Variants in STIM2 observed in about 807,000 individuals in gnomAD.
STIM2 encodes stromal interaction molecule 2.
STIM2 carries 31 observed loss-of-function variants against 85.8 expected under a neutral mutation model. That is an observed-to-expected ratio of 0.36 (90% confidence interval 0.27 to 0.49). The LOEUF (loss-of-function observed/expected upper bound fraction) is 0.49, where lower values mean the gene tolerates loss of function less well. STIM2 is among the 20% of genes least tolerant of loss of function. STIM2 has a pLI of 0.98. For synonymous variants in STIM2, 356 were observed against 331.1 expected (o/e 1.08, Z -0.82); for missense variants, 841 against 927.6 (o/e 0.91, Z 1.21).
rs145675939 is a variant in STIM2, at chr4:26,883,843, A to G, written c.151+22474A>G. Among the ~76,000 whole-genome samples the G allele has an allele frequency of 4.9e-3, 754 of 152,324 alleles. 8 individuals carry two copies. The highest frequency in any genetic ancestry group is 0.018 in the African/African-American group (731 of 41,564). ...TAGCTGTGCTGAGTGAGCCATGTAAATCTGCAAGGTTATGTATTTTGGTAT... is the reference window on the plus strand; with the variant it reads ...TAGCTGTGCTGAGTGAGCCATGTAAGTCTGCAAGGTTATGTATTTTGGTAT... On this transcript the variant is annotated intron_variant, in intron 1 of 11. Transcript: ENST00000467087.
intron 8 of STIM2, among the ~76,000 whole-genome samples, 179 bp from the exon 9 acceptor site, chr4:27,008,249 C>T (rs550039524): frequency 3.3e-5 from 5 of 152,246 alleles, no homozygotes; most frequent in East Asian, 3.9e-4. Flanking sequence ...TAGGAAAGCA[C>T]GTTTTCTCCC....
intron 6 of STIM2, among the ~76,000 whole-genome samples, chr4:27,002,660 C>T (rs1728198381): frequency 6.6e-6 from 1 of 152,034 alleles, no homozygotes; most frequent in Non-Finnish European, 1.5e-5. Context: ...TTATTTTTAA[C>T]TTGATTTAAA....
chr4:26,962,428 T>C lies in STIM2; in HGVS notation c.397+4702T>C, dbSNP rs141393139. Among the ~76,000 whole-genome samples the C allele has an allele frequency of 2.0e-3, 303 of 152,342 alleles. 1 individual carries two copies. Among genetic ancestry groups the C allele is most frequent in the Non-Finnish European group, 3.7e-3 (254 of 68,020 alleles). On this transcript the variant is annotated intron_variant, in intron 3 of 11. Transcript: ENST00000467087. The stretch of plus-strand genomic sequence containing the variant: ...GACTAAGCTATATATTTACCAGCAT[T>C]GTGTGCAAACTCTGGACAGTGAAAT...
chr4:27,014,200 C>T (rs1480440608), intron 10 of STIM2, among the ~76,000 whole-genome samples: 2 of 151,710 alleles, frequency 1.3e-5, no homozygotes, highest in Non-Finnish European at 1.5e-5. Flanking sequence ...TTTATTTCTG[C>T]TCTTTTATTT....
chr4:26,930,477 T>A (rs1261493069), intron 2 of STIM2, among the ~76,000 whole-genome samples: 1 of 31,372 alleles, frequency 3.2e-5, no homozygotes, highest in Non-Finnish European at 5.9e-5. Flanking sequence ...TTTTAGAGGT[T>A]TTTTTTTATC....
intron 3 of STIM2, among the ~76,000 whole-genome samples, chr4:26,976,462 C>A (rs2109109544): frequency 6.8e-6 from 1 of 146,962 alleles, no homozygotes; most frequent in South Asian, 2.2e-4. Flanking sequence ...TGTAAAGATG[C>A]TTCATCACCA....
intron 3 of STIM2, among the ~76,000 whole-genome samples, chr4:26,984,874 C>T (rs1727527374): frequency 6.6e-6 from 1 of 152,168 alleles, no homozygotes; most frequent in Non-Finnish European, 1.5e-5. Flanking sequence ...CATTTGCCAG[C>T]ATTTACCTAG....
chr4:26,927,901 T>C (rs554592395), intron 2 of STIM2, among the ~76,000 whole-genome samples: 2 of 147,668 alleles, frequency 1.4e-5, no homozygotes, highest in East Asian at 3.9e-4. Flanking sequence ...AAATATATAT[T>C]AATATATTTC....
chr4:26,913,552 C>T (rs745718034), intron 1 of STIM2, among the ~76,000 whole-genome samples: 9 of 152,088 alleles, frequency 5.9e-5, no homozygotes, highest in Non-Finnish European at 8.8e-5. Context: ...TAGTTTTAAG[C>T]AGAAGAGTAA....
At chr4:26,866,560 T>C (rs1305953642) in intron 1 of STIM2, among the ~76,000 whole-genome samples, 2 of 152,124 alleles carry the variant, frequency 1.3e-5, no homozygotes, top group Non-Finnish European at 2.9e-5. Flanking sequence ...TATGCAAGAA[T>C]AGGGGATAAA....
At chr4:26,951,611 T>A (rs1226614556) in intron 2 of STIM2, among the ~76,000 whole-genome samples, 1 of 152,132 alleles carries the variant, frequency 6.6e-6, no homozygotes, top group Admixed American at 6.6e-5. Flanking sequence ...GTATGGTAAA[T>A]CCGGTCCCTG....
At chr4:26,999,013 A>C (rs1331149243) in intron 4 of STIM2, among the ~76,000 whole-genome samples, 1 of 152,140 alleles carries the variant, frequency 6.6e-6, no homozygotes, top group Non-Finnish European at 1.5e-5. Context: ...TGTAGCTACT[A>C]AATTATTAAC....
chr4:26,875,180 C>T (rs1016466225), intron 1 of STIM2, among the ~76,000 whole-genome samples: 4 of 152,196 alleles, frequency 2.6e-5, no homozygotes, highest in Non-Finnish European at 4.4e-5. Context: ...TTAGTGTAAT[C>T]GACCTAAAAT....
At chr4:27,006,941 G>C (rs541554498) in intron 7 of STIM2, among the ~76,000 whole-genome samples, 55 of 152,184 alleles carry the variant, frequency 3.6e-4, no homozygotes, top group African/African-American at 1.3e-3. Flanking sequence ...GATATACTTG[G>C]AAACAGTAAG....
chr4:26,965,365 C>T (rs1260922448), intron 3 of STIM2, among the ~76,000 whole-genome samples: 1 of 152,130 alleles, frequency 6.6e-6, no homozygotes, highest in Non-Finnish European at 1.5e-5. Flanking sequence ...TAGTGTCTCT[C>T]TTGATTAATT....
chr4:26,874,847 G>A lies in STIM2; in HGVS notation c.151+13478G>A, dbSNP rs1047500960. The stretch of plus-strand genomic sequence containing the variant: ...AGACAGCAGACACTTTTTAGGTACC[G>A]GAGAAGTAGGAGAAAACTAAACTAA... On this transcript the variant is annotated intron_variant, in intron 1 of 11. Coordinates refer to ENST00000467087, the MANE Select transcript of STIM2 (RefSeq NM_020860.4). Among the ~76,000 whole-genome samples, 6 of 152,232 alleles carry A rather than the reference G, an allele frequency of 3.9e-5. No homozygotes were observed. In the East Asian group the frequency reaches 9.6e-4, roughly 24 times the overall value.
intron 1 of STIM2, chr4:26,873,887 T>G: frequency 7.5e-7 from 1 of 1,333,466 alleles, no homozygotes; most frequent in South Asian, 1.2e-5. Flanking sequence ...ATGCTCCTTC[T>G]CCCAGGGGTC....
intron 1 of STIM2, among the ~76,000 whole-genome samples, chr4:26,871,078 A>G (rs1230793563): frequency 6.6e-6 from 1 of 152,142 alleles, no homozygotes; most frequent in Non-Finnish European, 1.5e-5. Flanking sequence ...TGAATTACCA[A>G]ATACCCAGGA....
chr4:26,986,909 T>G (rs1560230786), intron 3 of STIM2, among the ~76,000 whole-genome samples: 1 of 152,236 alleles, frequency 6.6e-6, no homozygotes, highest in Non-Finnish European at 1.5e-5. Context: ...CTACAGTCCT[T>G]GTCTTATAGC....
Sources: allele counts gnomAD v4.1 joint callset (sites outside exome capture counted in the v4.1 genomes callset), GRCh38; gene constraint gnomAD v4.1.1; transcripts MANE v1.5; gene names NCBI Gene and HGNC (gene_info 2026-07-23, HGNC 2026-07-21).